Variants in PKIB observed in about 807,000 individuals in gnomAD.
The protein encoded by PKIB is cAMP-dependent protein kinase inhibitor beta.
A neutral mutation model predicts 4.5 loss-of-function variants in PKIB; 2 were observed. The ratio of observed to expected loss-of-function variants is 0.44; its 90% CI spans 0.18 to 1.39. The LOEUF is 1.39. Ranked by LOEUF, PKIB falls within the 40% of genes most tolerant of loss-of-function variation. The pLI is 0.27. For synonymous variants in PKIB, 38 were observed against 36.0 expected (o/e 1.06, Z -0.20); for missense variants, 94 against 92.6 (o/e 1.02, Z -0.06).
At chr6:122,652,370 G>A (rs555497883) in intron 2 of PKIB, among the ~76,000 whole-genome samples, 16 of 151,784 alleles carry the variant, frequency 1.1e-4, no homozygotes, top group African/African-American at 3.9e-4. Flanking sequence ...ATTGATTTAT[G>A]TGATTATGGA....
chr6:122,705,459 A>C (rs1230887144), intron 3 of PKIB, among the ~76,000 whole-genome samples: 1 of 152,026 alleles, frequency 6.6e-6, no homozygotes, highest in Non-Finnish European at 1.5e-5. Context: ...AAATTTTTGG[A>C]ATCAGCTTAT....
At chr6:122,493,869 G>T (rs1255264264) in intron 2 of PKIB, among the ~76,000 whole-genome samples, 2 of 152,080 alleles carry the variant, frequency 1.3e-5, no homozygotes, top group Non-Finnish European at 2.9e-5. Flanking sequence ...GGACCACATT[G>T]TTCCCACTAA....
chr6:122,541,993 C>T (rs1365110004), intron 2 of PKIB, among the ~76,000 whole-genome samples: 2 of 152,080 alleles, frequency 1.3e-5, no homozygotes, highest in African/African-American at 4.8e-5. Context: ...GAGGCTTCTG[C>T]ATTCTTCACT....
chr6:122,523,320 C>T (rs987995112), intron 2 of PKIB, among the ~76,000 whole-genome samples: 2 of 152,018 alleles, frequency 1.3e-5, no homozygotes, highest in Non-Finnish European at 1.5e-5. Context: ...TTAAATTATC[C>T]TTGCATTCCA....
At chr6:122,644,121 G>A (rs1002679589) in intron 2 of PKIB, 2 of 128,150 alleles carry the variant, frequency 1.6e-5, no homozygotes, top group African/African-American at 2.5e-5. Context: ...TATTCTATAT[G>A]TTAGTTTGTG....
chr6:122,646,319 G>A (rs1776314935), intron 2 of PKIB, among the ~76,000 whole-genome samples: 1 of 151,980 alleles, frequency 6.6e-6, no homozygotes, highest in Non-Finnish European at 1.5e-5. Flanking sequence ...ACATTATTTG[G>A]GAATGCCCTA....
In PKIB at chr6:122,528,762, C is replaced by T. The variant is rs117561696; in HGVS notation, c.-248+50823C>T. Among the ~76,000 whole-genome samples the T allele has an allele frequency of 2.2e-3, 338 of 152,204 alleles. 8 individuals carry two copies. The East Asian group carries it at 0.044, about 20-fold the overall frequency. On this transcript the variant is annotated intron_variant, in intron 2 of 6. Transcript: ENST00000392491. ...AAATAACTAGCTGGGCATGGTGGCA[C>T]ATGCTTGTAGTCCTAGCTACTTGGG...
chr6:122,495,601 G>T (rs1033771854), intron 2 of PKIB, among the ~76,000 whole-genome samples: 1 of 152,046 alleles, frequency 6.6e-6, no homozygotes, highest in Non-Finnish European at 1.5e-5. Context: ...CGGAACTGGG[G>T]AAACTACCTA....
intron 3 of PKIB, among the ~76,000 whole-genome samples, chr6:122,716,028 G>T (rs967050722): frequency 3.9e-5 from 6 of 152,158 alleles, no homozygotes; most frequent in Non-Finnish European, 2.9e-5. Context: ...AAATGTTCAT[G>T]TAGTATTGAA....
At chr6:122,607,351 CAAAA>C (rs1024580586), upstream of PKIB, among the ~76,000 whole-genome samples, 3 of 151,854 alleles carry the variant, frequency 2.0e-5, no homozygotes, top group Admixed American at 1.3e-4. Context: ...AAAAACAAAA[CAAAA>C]AAACCCACAA....
chr6:122,545,224 T>C (rs1357251794), intron 2 of PKIB, among the ~76,000 whole-genome samples: 1 of 151,940 alleles, frequency 6.6e-6, no homozygotes, highest in Non-Finnish European at 1.5e-5. Context: ...ATAGCAAAGA[T>C]ACGGAATCAA....
At chr6:122,585,793 A>G (rs770204805) in intron 2 of PKIB, 10 of 152,112 alleles carry the variant, frequency 6.6e-5, no homozygotes, top group Non-Finnish European at 1.0e-4. Flanking sequence ...GCAACAATAT[A>G]TTTTCTTGAA....
chr6:122,579,310 TG>T (rs1298758449), intron 2 of PKIB, among the ~76,000 whole-genome samples: 1 of 152,220 alleles, frequency 6.6e-6, no homozygotes, highest in Non-Finnish European at 1.5e-5. Flanking sequence ...CAATTGTGTT[TG>T]CGGTGCATGG....
chr6:122,575,773 G>C (rs975672773), intron 2 of PKIB, among the ~76,000 whole-genome samples: 4 of 152,160 alleles, frequency 2.6e-5, no homozygotes, highest in Admixed American at 1.3e-4. Context: ...AGAGGGAATA[G>C]TTGTGGGGGT....
intron 2 of PKIB, among the ~76,000 whole-genome samples, chr6:122,498,986 A>G (rs1776149961): frequency 6.6e-6 from 1 of 152,180 alleles, no homozygotes; most frequent in Non-Finnish European, 1.5e-5. Flanking sequence ...ATGCCTGGAA[A>G]CACACAATCT....
At chr6:122,600,732 A>G (rs1259725932) in intron 3 of PKIB, among the ~76,000 whole-genome samples, 1 of 152,196 alleles carries the variant, frequency 6.6e-6, no homozygotes, top group South Asian at 2.1e-4. Flanking sequence ...AAACAAAAAT[A>G]TCTATCACCC....
chr6:122,614,041 A>C (rs190401361), intron 1 of PKIB, among the ~76,000 whole-genome samples: 22 of 152,002 alleles, frequency 1.4e-4, no homozygotes, highest in African/African-American at 5.3e-4. Flanking sequence ...ACTGAGGTAC[A>C]CTTTTTATTC....
At chr6:122,526,856 A>G (rs1338796486) in intron 2 of PKIB, among the ~76,000 whole-genome samples, 2 of 152,156 alleles carry the variant, frequency 1.3e-5, no homozygotes, top group Non-Finnish European at 2.9e-5. Flanking sequence ...TCATTGTAAG[A>G]GTCAGTGATT....
intron 2 of PKIB, among the ~76,000 whole-genome samples, chr6:122,488,359 G>A (rs868530914): frequency 6.6e-6 from 1 of 151,868 alleles, no homozygotes. Flanking sequence ...TTTGGCAAAC[G>A]GGGAAACCCC....
Sources: gnomAD v4.1 joint callset for allele counts (sites outside exome capture counted in the v4.1 genomes callset) on GRCh38, gnomAD v4.1.1 for gene constraint, MANE v1.5 for transcripts, NCBI Gene and HGNC (gene_info 2026-07-23, HGNC 2026-07-21) for gene names.